The following CNTNAP2 variants were observed in gnomAD, a reference collection of about 807,000 sequenced individuals.
CNTNAP2 encodes contactin associated protein 2.
In CNTNAP2, 98 loss-of-function variants were observed where a neutral mutation model predicts 155.2. That is an observed-to-expected ratio of 0.63 (90% CI 0.54 to 0.75). The LOEUF (loss-of-function observed/expected upper bound fraction) is 0.75. Ranked by LOEUF, CNTNAP2 falls within the 30% of genes least tolerant of loss-of-function variation. CNTNAP2 has a pLI of 0.00. For synonymous variants in CNTNAP2, 651 were observed against 631.2 expected, an observed-to-expected ratio of 1.03 and a Z score of -0.47; for missense variants, 1,727 against 1,688.1, an observed-to-expected ratio of 1.02 and a Z score of -0.40.
intron 1 of CNTNAP2, among the ~76,000 whole-genome samples, chr7:146,382,032 T>C (rs1426772110): frequency 1.3e-5 from 2 of 152,216 alleles, no homozygotes; most frequent in Non-Finnish European, 2.9e-5. Context: ...TTCTTCAGGT[T>C]GCTGTTTTGG....
chr7:147,602,199 T>C (rs1476971632), intron 12 of CNTNAP2, among the ~76,000 whole-genome samples: 1 of 152,114 alleles, frequency 6.6e-6, no homozygotes, highest in African/African-American at 2.4e-5. Context: ...AAATGCTACC[T>C]GTTGAACTAG....
At chr7:146,379,246 T>C (rs1291757326) in intron 1 of CNTNAP2, among the ~76,000 whole-genome samples, 2 of 152,202 alleles carry the variant, frequency 1.3e-5, no homozygotes, top group African/African-American at 2.4e-5. Context: ...AGGGTGAAAT[T>C]GTAATTTGGA....
At chr7:148,251,872 T>C (rs766054037) in intron 20 of CNTNAP2, among the ~76,000 whole-genome samples, 5 of 152,190 alleles carry the variant, frequency 3.3e-5, no homozygotes, top group Admixed American at 6.5e-5. Flanking sequence ...CAGCCTTGCC[T>C]CATTCTGCAG....
At chr7:147,150,889 A>G (rs1041995764) in intron 8 of CNTNAP2, among the ~76,000 whole-genome samples, 1 of 152,200 alleles carries the variant, frequency 6.6e-6, no homozygotes, top group Non-Finnish European at 1.5e-5. Flanking sequence ...ACAAAACCCC[A>G]AAAGAAACCC....
chr7:147,051,480 C>T (rs1799472887), intron 4 of CNTNAP2, among the ~76,000 whole-genome samples: 2 of 151,908 alleles, frequency 1.3e-5, no homozygotes, highest in South Asian at 4.1e-4. Context: ...AGTTTAAATA[C>T]TCTATGATAA....
chr7:146,484,663 A>G (rs1171857731), intron 1 of CNTNAP2, among the ~76,000 whole-genome samples: 1 of 152,200 alleles, frequency 6.6e-6, no homozygotes, highest in Non-Finnish European at 1.5e-5. Flanking sequence ...AAGAAAAAGA[A>G]GAAATACATG....
At chr7:147,422,916 A>G (rs185903298) in intron 10 of CNTNAP2, among the ~76,000 whole-genome samples, 3 of 152,318 alleles carry the variant, frequency 2.0e-5, no homozygotes, top group East Asian at 1.9e-4. Context: ...AATTTTTTAT[A>G]TATAACTTTA....
chr7:147,576,599 A>T (rs1800400570), intron 12 of CNTNAP2, among the ~76,000 whole-genome samples: 1 of 152,114 alleles, frequency 6.6e-6, no homozygotes, highest in Non-Finnish European at 1.5e-5. Flanking sequence ...CAGCATTATG[A>T]AAAGTAAAAG....
chr7:147,264,470 G>T (rs545084148), intron 8 of CNTNAP2, among the ~76,000 whole-genome samples: 2 of 151,808 alleles, frequency 1.3e-5, no homozygotes, highest in Non-Finnish European at 2.9e-5. Flanking sequence ...GGAAGTGAGG[G>T]GTTGTGAATA....
At chr7:146,861,748 A>G (rs562762483) in intron 3 of CNTNAP2, among the ~76,000 whole-genome samples, 1 of 152,314 alleles carries the variant, frequency 6.6e-6, no homozygotes, top group South Asian at 2.1e-4. Context: ...GTTGTGTTAC[A>G]TCGCTTCATC....
chr7:146,363,058 C>A (rs528573735), intron 1 of CNTNAP2, among the ~76,000 whole-genome samples: 11 of 139,786 alleles, frequency 7.9e-5, no homozygotes, highest in African/African-American at 3.4e-4. Context: ...TGTGAGCCAC[C>A]GCGCCTGGCC....
intron 13 of CNTNAP2, among the ~76,000 whole-genome samples, chr7:147,817,325 G>A (rs561344843): frequency 6.6e-6 from 1 of 152,322 alleles, no homozygotes; most frequent in South Asian, 2.1e-4. Context: ...GTATGCACTA[G>A]ACATGATTCC....
intron 13 of CNTNAP2, among the ~76,000 whole-genome samples, chr7:147,775,293 ATTTATATATATT>A (rs1797553897): frequency 9.8e-5 from 5 of 50,784 alleles, no homozygotes; most frequent in Non-Finnish European, 1.6e-4. Context: ...AAATATATAT[ATTTATATATATT>A]TATAAATATA....
At chr7:146,506,125 T>C (rs1424776314) in intron 1 of CNTNAP2, among the ~76,000 whole-genome samples, 4 of 152,196 alleles carry the variant, frequency 2.6e-5, no homozygotes, top group Admixed American at 6.5e-5. Context: ...GGCACACAAG[T>C]GTTGCAGGGC....
intron 13 of CNTNAP2, among the ~76,000 whole-genome samples, chr7:147,870,835 T>C (rs1447262512): frequency 2.6e-5 from 4 of 151,972 alleles, no homozygotes; most frequent in Admixed American, 6.6e-5. Context: ...GGAGAGACAT[T>C]GTGGATGGCG....
intron 2 of CNTNAP2, among the ~76,000 whole-genome samples, chr7:146,784,294 G>A (rs1802537645): frequency 6.6e-6 from 1 of 152,102 alleles, no homozygotes; most frequent in Non-Finnish European, 1.5e-5. Flanking sequence ...CCTTTGAAAT[G>A]GCTCTGGAAT....
intron 3 of CNTNAP2, among the ~76,000 whole-genome samples, chr7:147,002,944 CAAAA>C (rs773401142): frequency 7.6e-5 from 4 of 52,942 alleles, no homozygotes; most frequent in African/African-American, 1.4e-4. Context: ...ATGTTCCTTC[CAAAA>C]AAAAAAAAAA....
intron 1 of CNTNAP2, among the ~76,000 whole-genome samples, chr7:146,684,853 C>T (rs1364386718): frequency 1.3e-5 from 2 of 152,064 alleles, no homozygotes; most frequent in African/African-American, 2.4e-5. Context: ...ATGAATGGTG[C>T]TCCGTGACCT....
chr7:146,528,936 G>A (rs929488807), intron 1 of CNTNAP2, among the ~76,000 whole-genome samples: 10 of 151,994 alleles, frequency 6.6e-5, no homozygotes, highest in Non-Finnish European at 1.2e-4. Context: ...TCAAGAAAGC[G>A]GAAGCAAGGT....
Sources: gnomAD v4.1 joint callset for allele counts (sites outside exome capture counted in the v4.1 genomes callset) on GRCh38, gnomAD v4.1.1 for gene constraint, MANE v1.5 for transcripts, NCBI Gene and HGNC (gene_info 2026-07-23, HGNC 2026-07-21) for gene names.